GALNT17: variants seen among roughly 807,000 people sequenced by gnomAD.
GALNT17 encodes polypeptide N-acetylgalactosaminyltransferase 17.
In GALNT17, 29 loss-of-function variants were observed where a neutral mutation model predicts 63.7. That is an observed-to-expected ratio of 0.46 (90% confidence interval 0.34 to 0.62). The LOEUF (loss-of-function observed/expected upper bound fraction) is 0.62. Among genes scored for constraint, GALNT17 ranks in the 20% least tolerant of loss-of-function variants. The pLI, the probability that GALNT17 is intolerant of heterozygous loss-of-function variation, is 0.01. For missense variants in GALNT17, 603 were observed against 799.6 expected (o/e 0.75, Z 2.97); for synonymous variants, 305 against 318.3 (o/e 0.96, Z 0.45).
chr7:71,591,893 C>A (rs1789808019), intron 6 of GALNT17, among the ~76,000 whole-genome samples: 1 of 152,200 alleles, frequency 6.6e-6, no homozygotes, highest in South Asian at 2.1e-4. Flanking sequence ...GAAGTCCTGA[C>A]CTCAGGTGAT....
intron 5 of GALNT17, among the ~76,000 whole-genome samples, chr7:71,428,431 G>A (rs1345047661): frequency 6.6e-6 from 1 of 151,874 alleles, no homozygotes; most frequent in Non-Finnish European, 1.5e-5. Flanking sequence ...GCTTTTCTTG[G>A]TGGACATCCC....
Position 71,431,209 on chromosome 7 carries a change from C to CTT in GALNT17, c.962+10123_962+10124dup, listed in dbSNP as rs1265130879. 4.2e-4 allele frequency among the ~76,000 whole-genome samples: 48 copies of CTT among 115,102 alleles called. 1 individual carries two copies. Among genetic ancestry groups the CTT allele is most frequent in the East Asian group, 7.3e-4 (3 of 4,126 alleles). 75.5% of individuals were successfully genotyped at this position (115,102 alleles called of 152,430 possible). The stretch of plus-strand genomic sequence containing the variant: ...TGAGTATTTTTTTTTCTTTTCTTTT[C>CTT]TTTTTTTTTTTTTTTTTTTTGAGAC... On this transcript the variant is annotated intron_variant, in intron 5 of 10. Coordinates refer to ENST00000333538, the MANE Select transcript of GALNT17 (RefSeq NM_022479.3).
intron 2 of GALNT17, among the ~76,000 whole-genome samples, chr7:71,386,233 C>A (rs930769968): frequency 6.6e-6 from 1 of 152,192 alleles, no homozygotes; most frequent in African/African-American, 2.4e-5. Flanking sequence ...ACTTTATTTT[C>A]TTCTGAAAAT....
chr7:71,141,859 TGTGTGTG>T lies in GALNT17; in HGVS notation c.238+8820_238+8826del. On this transcript the variant is annotated intron_variant, in intron 1 of 10. Transcript: ENST00000333538. ...GTCTGGCTGTGTGTGTGTGTGTGTG[TGTGTGTG>T]TGTGTGTGTGTGTATGTGTGTATTT... 2.0e-5 allele frequency among the ~76,000 whole-genome samples: 3 copies of T among 150,306 alleles called. No individual in the cohort carries two copies. The South Asian group carries it at 6.3e-4, about 32-fold the overall frequency.
At chr7:71,171,590 G>A (rs41468749) in intron 1 of GALNT17, among the ~76,000 whole-genome samples, 4,540 of 152,308 alleles carry the variant, frequency 0.03, 189 homozygotes, top group East Asian at 0.11. Flanking sequence ...TTGTTGTGTA[G>A]TGCCAAAGGA....
At chr7:71,501,524 T>G (rs539929474) in intron 5 of GALNT17, among the ~76,000 whole-genome samples, 2 of 152,326 alleles carry the variant, frequency 1.3e-5, no homozygotes, top group East Asian at 3.9e-4. Flanking sequence ...GGCCATAACC[T>G]TCCAAAGTGG....
intron 1 of GALNT17, among the ~76,000 whole-genome samples, chr7:71,146,850 C>T (rs73361707): frequency 0.02 from 3,032 of 152,226 alleles, 106 homozygotes; most frequent in African/African-American, 0.069. Flanking sequence ...TAATCACAGG[C>T]GACCACGTTC....
chr7:71,358,936 GCTA>G (rs1792344125), intron 2 of GALNT17, among the ~76,000 whole-genome samples: 1 of 152,158 alleles, frequency 6.6e-6, no homozygotes, highest in South Asian at 2.1e-4. Flanking sequence ...ACCACATCCG[GCTA>G]CTTTTTTGGA....
At chr7:71,444,255 C>A (rs1437795040) in intron 5 of GALNT17, among the ~76,000 whole-genome samples, 1 of 152,184 alleles carries the variant, frequency 6.6e-6, no homozygotes, top group Non-Finnish European at 1.5e-5. Flanking sequence ...ATTCCCCTAC[C>A]CATCCCAGCC....
At chr7:71,709,874 C>T (rs185603726) in intron 9 of GALNT17, among the ~76,000 whole-genome samples, 4 of 152,322 alleles carry the variant, frequency 2.6e-5, no homozygotes, top group Admixed American at 6.5e-5. Flanking sequence ...GCTGGGATCA[C>T]GGGCATGAGC....
At chr7:71,387,577 C>T (rs1792969421) in intron 2 of GALNT17, among the ~76,000 whole-genome samples, 2 of 152,236 alleles carry the variant, frequency 1.3e-5, no homozygotes, top group Non-Finnish European at 2.9e-5. Context: ...GCTCCCACGT[C>T]GGCCTCCCAA....
At chr7:71,210,216 G>A (rs1279719844) in intron 1 of GALNT17, among the ~76,000 whole-genome samples, 1 of 152,142 alleles carries the variant, frequency 6.6e-6, no homozygotes, top group Non-Finnish European at 1.5e-5. Flanking sequence ...CACAAGAATA[G>A]CATGGGAAAG....
intron 1 of GALNT17, among the ~76,000 whole-genome samples, chr7:71,189,805 C>A (rs1788916562): frequency 7.0e-6 from 1 of 142,370 alleles, no homozygotes; most frequent in Non-Finnish European, 1.5e-5. Flanking sequence ...TAAGCAAGAA[C>A]CATTTCTTTT....
At chr7:71,344,065 G>A (rs1293968184) in intron 2 of GALNT17, among the ~76,000 whole-genome samples, 1 of 152,070 alleles carries the variant, frequency 6.6e-6, no homozygotes, top group Non-Finnish European at 1.5e-5. Flanking sequence ...AAGAGAGTGG[G>A]AGAGGCTGGT....
chr7:71,194,188 G>C (rs149022574), intron 1 of GALNT17, among the ~76,000 whole-genome samples: 13 of 152,162 alleles, frequency 8.5e-5, no homozygotes, highest in African/African-American at 2.6e-4. Context: ...TGGGACTACA[G>C]GTACACACCA....
intron 2 of GALNT17, among the ~76,000 whole-genome samples, chr7:71,372,980 A>C (rs946751208): frequency 2.6e-5 from 4 of 152,154 alleles, no homozygotes; most frequent in Admixed American, 1.3e-4. Flanking sequence ...CGAGGTGGGG[A>C]GCTTTTAGTA....
At chr7:71,624,121 G>A (rs1295999315) in intron 6 of GALNT17, among the ~76,000 whole-genome samples, 1 of 152,202 alleles carries the variant, frequency 6.6e-6, no homozygotes, top group Non-Finnish European at 1.5e-5. Flanking sequence ...GTTGGGGTCA[G>A]CAGTGAGGTG....
At chr7:71,663,399 G>A (rs200299415) in intron 6 of GALNT17, among the ~76,000 whole-genome samples, 37 of 152,122 alleles carry the variant, frequency 2.4e-4, no homozygotes, top group South Asian at 4.2e-4. Context: ...TATATTGTCC[G>A]TACCTTGAAA....
chr7:71,588,991 C>T (rs1041560015), intron 6 of GALNT17, among the ~76,000 whole-genome samples: 5 of 151,996 alleles, frequency 3.3e-5, no homozygotes, highest in African/African-American at 1.2e-4. Flanking sequence ...AGGGTCAATA[C>T]GGGGCCCTTA....
Sources: allele counts gnomAD v4.1 joint callset (sites outside exome capture counted in the v4.1 genomes callset), GRCh38; gene constraint gnomAD v4.1.1; transcripts MANE v1.5; gene names NCBI Gene and HGNC (gene_info 2026-07-23, HGNC 2026-07-21).